The following ARHGAP31 variants were observed in gnomAD, a reference collection of about 807,000 sequenced individuals.
ARHGAP31 encodes the protein Rho GTPase activating protein 31, also known as rho GTPase-activating protein 31.
ARHGAP31 carries 34 observed loss-of-function variants against 113.9 expected under a neutral mutation model. The observed-to-expected ratio is 0.30, with a 90% CI of 0.23 to 0.40. The LOEUF (loss-of-function observed/expected upper bound fraction) is 0.40, where lower values mean the gene tolerates loss of function less well. ARHGAP31 is among the 10% of genes least tolerant of loss of function. ARHGAP31 has a pLI of 1.00. For synonymous variants in ARHGAP31, 650 were observed against 684.8 expected (o/e 0.95, Z 0.79); for missense variants, 1,548 against 1,767.1 (o/e 0.88, Z 2.22).
intron 1 of ARHGAP31, chr3:119,330,135 C>G (rs1415055386): frequency 3.5e-6 from 2 of 576,190 alleles, no homozygotes; most frequent in Non-Finnish European, 4.4e-6. Context: ...AGGAAAACAG[C>G]AAATGAAGCT....
intron 1 of ARHGAP31, 66 bp downstream of exon 1, chr3:119,295,070 C>T (rs2079521117): frequency 2.0e-6 from 3 of 1,468,962 alleles, no homozygotes; most frequent in East Asian, 2.3e-5. Context: ...GACGGACTCT[C>T]TCGAGTTGTG....
At position 119,419,676 on chromosome 3, in the gene ARHGAP31, C is replaced by A. The variant is rs564989987; in HGVS notation, c.*3412C>A. 6.6e-6 allele frequency: 1 copy of A among 152,324 alleles called. No individual in the cohort carries two copies. The highest frequency in any genetic ancestry group is 2.1e-4 in the South Asian group (1 of 4,830). The allele number at this position is 152,324 out of a possible 1,614,324, so 9.4% of individuals were successfully genotyped here. On this transcript the variant is annotated 3_prime_UTR_variant, in exon 12 of 12. Coordinates refer to ENST00000264245, the MANE Select transcript of ARHGAP31 (RefSeq NM_020754.4). ...GGGGAAAAAGTGTGGCAACAAGCAT[C>A]TTTTAATAGGATAGTTGACGGTATT...
chr3:119,383,259 C>T, intron 6 of ARHGAP31, 33 bp downstream of exon 6: 2 of 1,613,074 alleles, frequency 1.2e-6, no homozygotes, highest in South Asian at 2.2e-5. Context: ...ACTCCACCAG[C>T]TTATCCTTCT....
chr3:119,372,091 T>C (rs1454822058), intron 3 of ARHGAP31, among the ~76,000 whole-genome samples: 3 of 152,200 alleles, frequency 2.0e-5, no homozygotes, highest in African/African-American at 7.2e-5. Context: ...CGTCTTACGG[T>C]AGAACAATTT....
chr3:119,360,392 G>C (rs566096655), intron 1 of ARHGAP31, among the ~76,000 whole-genome samples: 82 of 152,298 alleles, frequency 5.4e-4, no homozygotes, highest in African/African-American at 1.9e-3. Context: ...AAACACAAAT[G>C]CCATTTGCAC....
intron 6 of ARHGAP31, 152 bp downstream of exon 6, chr3:119,383,378 G>A (rs563198525): frequency 4.3e-5 from 44 of 1,023,066 alleles, no homozygotes; most frequent in South Asian, 3.2e-4. Flanking sequence ...TCTGAGGATC[G>A]TGCATATATA....
intron 2 of ARHGAP31, 50 bp downstream of exon 2, chr3:119,365,468 G>A: frequency 6.7e-7 from 1 of 1,495,996 alleles, no homozygotes; most frequent in Non-Finnish European, 9.3e-7. Flanking sequence ...TTCCTCCTGT[G>A]TCCATGCCTC....
intron 1 of ARHGAP31, among the ~76,000 whole-genome samples, chr3:119,351,951 A>T (rs1039698424): frequency 2.0e-5 from 3 of 152,202 alleles, no homozygotes; most frequent in African/African-American, 7.2e-5. Flanking sequence ...ATTTTAAATG[A>T]GTTGTTGTTG....
At chr3:119,323,476 C>CT (rs2079812050) in intron 1 of ARHGAP31, among the ~76,000 whole-genome samples, 1 of 152,186 alleles carries the variant, frequency 6.6e-6, no homozygotes, top group Non-Finnish European at 1.5e-5. Flanking sequence ...CGTTTCTTTC[C>CT]TTTTTTCTTT....
At chr3:119,356,137 C>T (rs1167971308) in intron 1 of ARHGAP31, among the ~76,000 whole-genome samples, 1 of 152,124 alleles carries the variant, frequency 6.6e-6, no homozygotes, top group African/African-American at 2.4e-5. Context: ...TAATATATTC[C>T]TATAGTTCAA....
Position 119,380,924 on chromosome 3 carries a change from T to C in ARHGAP31, c.369T>C (p.Pro123=), listed in dbSNP as rs779233884. ...EKFTEAVSHC[P]EEGQLARIQN... ...CACAGGAGGCAGTGTCGCATTGCCC[T>C]GAAGAAGGCCAACTGGCCCGAATCC... The change falls in exon 4 of 12, where the codon CCT becomes CCC. Residue 123 remains proline (P), a synonymous_variant. Coordinates refer to ENST00000264245, the MANE Select transcript of ARHGAP31 (RefSeq NM_020754.4). The C allele has an allele frequency of 2.5e-6, 4 of 1,614,030 alleles. No homozygotes were observed. The highest frequency in any genetic ancestry group is 2.2e-5 in the South Asian group (2 of 91,080).
At chr3:119,351,070 A>G (rs1421293371) in intron 1 of ARHGAP31, among the ~76,000 whole-genome samples, 2 of 152,196 alleles carry the variant, frequency 1.3e-5, no homozygotes, top group Non-Finnish European at 2.9e-5. Context: ...AGCACAGATG[A>G]AAGTCTGAGG....
In ARHGAP31 at chr3:119,294,542, G is replaced by T. The variant is rs909844547; in HGVS notation, c.-363G>T. ...GTCGTCTCCGGGGCACTTAGTAAGG[G>T]GTGGGGAGAGCTTGCCCTCCCTCTT... On this transcript the variant is annotated 5_prime_UTR_variant, in exon 1 of 12. Coordinates refer to ENST00000264245, the MANE Select transcript of ARHGAP31 (RefSeq NM_020754.4). The T allele has an allele frequency of 8.4e-6, 4 of 478,846 alleles. No homozygotes were observed. The highest frequency in any genetic ancestry group is 1.4e-5 in the Non-Finnish European group (4 of 278,324). The allele number at this position is 478,846 out of a possible 1,614,324, so 29.7% of individuals were successfully genotyped here. A position where few individuals can be genotyped will look rare whatever the true frequency, so the allele number is the denominator to read the frequency against.
At chr3:119,326,135 T>A (rs1481840481) in intron 1 of ARHGAP31, among the ~76,000 whole-genome samples, 1 of 152,142 alleles carries the variant, frequency 6.6e-6, no homozygotes, top group Admixed American at 6.5e-5. Flanking sequence ...GAGGTTGCAG[T>A]GAGCTGAGAT....
In ARHGAP31 at chr3:119,409,554, G is replaced by A. The variant is rs527842114; in HGVS notation, c.1704G>A (p.Gly568=). 1.9e-6 allele frequency: 3 copies of A among 1,614,236 alleles called. No individual in the cohort carries two copies. The highest frequency in any genetic ancestry group is 1.3e-5 in the African/African-American group (1 of 75,068). ...EDAKAVPEAP[G]TVECSKGLSQ... ...CCAAGGCAGTACCTGAAGCACCGGG[G>A]ACAGTGGAATGCAGCAAAGGCCTGT... is the stretch of plus-strand genomic sequence containing the variant. Residue 568 remains glycine, a synonymous_variant, in exon 11 of 12, where the codon GGG becomes GGA. Coordinates refer to ENST00000264245, the MANE Select transcript of ARHGAP31 (RefSeq NM_020754.4).
rs114491485 is a variant in ARHGAP31 at position 119,310,575 on chromosome 3, G to A, written c.100+15571G>A. On this transcript the variant is annotated intron_variant, in intron 1 of 11. Transcript: ENST00000264245. ...TTCTAATAGGAGCGCCAATCCTATT[G>A]TGAACTGCGCACGAGGGATTTAGGT... is the stretch of plus-strand genomic sequence containing the variant. 6.1e-3 allele frequency among the ~76,000 whole-genome samples: 936 copies of A among 152,308 alleles called. 8 individuals are homozygous for A. The highest frequency in any genetic ancestry group is 0.021 in the African/African-American group (892 of 41,566).
chr3:119,367,007 CAGA>C (rs2080257145), intron 2 of ARHGAP31, among the ~76,000 whole-genome samples: 1 of 151,524 alleles, frequency 6.6e-6, no homozygotes, highest in South Asian at 2.1e-4. Context: ...GAGGCTGAGG[CAGA>C]AGAATTGCCT....
intron 1 of ARHGAP31, among the ~76,000 whole-genome samples, chr3:119,299,921 C>G (rs1305150748): frequency 6.6e-6 from 1 of 152,218 alleles, no homozygotes; most frequent in African/African-American, 2.4e-5. Flanking sequence ...TTTTCTTTGG[C>G]TTAGCTGCTT....
chr3:119,363,384 C>T (rs2080227020), intron 1 of ARHGAP31, among the ~76,000 whole-genome samples: 1 of 152,144 alleles, frequency 6.6e-6, no homozygotes, highest in Non-Finnish European at 1.5e-5. Context: ...CTGCCCACAC[C>T]CACAGCACCC....
Sources: allele counts gnomAD v4.1 joint callset (sites outside exome capture counted in the v4.1 genomes callset), GRCh38; gene constraint gnomAD v4.1.1; transcripts MANE v1.5; gene names NCBI Gene and HGNC (gene_info 2026-07-23, HGNC 2026-07-21).